Variants in RAB11FIP3 observed in about 807,000 individuals in gnomAD.
RAB11FIP3 encodes the protein rab11 family-interacting protein 3.
A neutral mutation model predicts 77.8 loss-of-function variants in RAB11FIP3; 17 were observed. That is an observed-to-expected ratio of 0.22 (90% CI 0.15 to 0.33). The LOEUF (loss-of-function observed/expected upper bound fraction) is 0.33. Ranked by LOEUF, RAB11FIP3 falls within the 10% of genes least tolerant of loss-of-function variation. The pLI, the probability that RAB11FIP3 is intolerant of heterozygous loss-of-function variation, is 1.00. For missense variants in RAB11FIP3, 1,005 were observed against 1,011.2 expected, an observed-to-expected ratio of 0.99 and a Z score of 0.08; for synonymous variants, 437 against 448.2, an observed-to-expected ratio of 0.98 and a Z score of 0.31.
At position 497,264 on chromosome 16, in the gene RAB11FIP3, TC is replaced by T. The variant is rs1181931634; in HGVS notation, c.1301+407del. ...GGTGAGGGATGGGTCTGACTCCAAT[TC>T]CTAAAGACCATTTCTTCATTTTCCA... On this transcript the variant is annotated intron_variant, in intron 6 of 13. Transcript: ENST00000262305. 3.1e-6 allele frequency: 4 copies of T among 1,305,272 alleles called. No individual in the cohort carries two copies. The Admixed American group carries it at 9.2e-5, about 30-fold the overall frequency. The allele number at this position is 1,305,272 out of a possible 1,614,324, so 80.9% of individuals were successfully genotyped here.
intron 1 of RAB11FIP3, among the ~76,000 whole-genome samples, chr16:453,785 G>A (rs1209489596): frequency 6.6e-6 from 1 of 151,736 alleles, no homozygotes; most frequent in East Asian, 1.9e-4. Context: ...AGTAGAGGCG[G>A]GGTTTCACCA....
chr16:509,560 T>C (rs1273895371), intron 8 of RAB11FIP3, among the ~76,000 whole-genome samples: 3 of 152,264 alleles, frequency 2.0e-5, no homozygotes, highest in Admixed American at 6.5e-5. Context: ...CTCTTTGGGA[T>C]GGTTCAGTCC....
At chr16:518,791 A>G (rs548312758) in intron 9 of RAB11FIP3, 152 bp from the exon 10 acceptor site, 8 of 698,834 alleles carry the variant, frequency 1.1e-5, no homozygotes, top group Non-Finnish European at 2.0e-5. Flanking sequence ...CCTGGAGCAC[A>G]TGGGTGGGCA....
intron 1 of RAB11FIP3, among the ~76,000 whole-genome samples, chr16:430,849 A>G (rs560436793): frequency 1.3e-5 from 2 of 152,368 alleles, no homozygotes; most frequent in African/African-American, 4.8e-5. Context: ...AAACATTTTT[A>G]AAAATTATTT....
At chr16:451,326 A>G (rs1157100131) in intron 1 of RAB11FIP3, 1 of 127,886 alleles carries the variant, frequency 7.8e-6, no homozygotes, top group Admixed American at 7.8e-5. Context: ...CACCTTCCCC[A>G]CCCCCCTGCC....
At position 505,570 on chromosome 16, in the gene RAB11FIP3, C is replaced by T. The variant is rs748267227; in HGVS notation, c.1442C>T (p.Ala481Val). 5 of 1,607,234 alleles carry T rather than the reference C, an allele frequency of 3.1e-6. No individual in the cohort carries two copies. The East Asian group carries it at 1.1e-4, about 36-fold the overall frequency. ...RRVLELEKDTAATGEQHSRLR... is the reference protein window; with the variant it reads ...RRVLELEKDTVATGEQHSRLR... The stretch of plus-strand genomic sequence containing the variant: ...GTGCTGGAGCTGGAAAAGGACACGG[C>T]AGCCACCGGTGAGCAACACAGCCGC... The change falls in exon 8 of 14, where the codon GCA becomes GTA. Residue 481 changes from alanine to valine, a missense_variant. By Grantham distance (64) the Ala-to-Val change is moderately conservative (BLOSUM62 0). Transcript: ENST00000262305. This position sits in a 1 kb window ranked among gnomAD's most constrained non-coding sequence, Gnocchi z 4.0.
chr16:484,569 T>A (rs1374352714), intron 4 of RAB11FIP3, among the ~76,000 whole-genome samples: 1 of 152,134 alleles, frequency 6.6e-6, no homozygotes, highest in East Asian at 1.9e-4. Flanking sequence ...GTCAGGCTGG[T>A]CTCCAACCCC....
At chr16:492,540 A>AGG (rs2030655052) in intron 5 of RAB11FIP3, among the ~76,000 whole-genome samples, 2 of 137,796 alleles carry the variant, frequency 1.5e-5, no homozygotes, top group Non-Finnish European at 1.5e-5. Context: ...GAGGCCGTCC[A>AGG]GAATCTTGGA....
At chr16:490,548 G>A (rs553049905) in intron 5 of RAB11FIP3, among the ~76,000 whole-genome samples, 2 of 152,152 alleles carry the variant, frequency 1.3e-5, no homozygotes, top group Non-Finnish European at 2.9e-5. Flanking sequence ...TGTTGCCCAG[G>A]CTGGTCTCAA....
chr16:465,417 A>G (rs948238462), intron 2 of RAB11FIP3, among the ~76,000 whole-genome samples: 35 of 152,184 alleles, frequency 2.3e-4, no homozygotes, highest in African/African-American at 8.2e-4. Flanking sequence ...TTACATAGCC[A>G]TAATAGTTAA....
Position 516,195 on chromosome 16 carries a change from G to A in RAB11FIP3, c.1641-2748G>A, listed in dbSNP as rs557175927. On this transcript the variant is annotated intron_variant, in intron 9 of 13. Transcript: ENST00000262305. ...GGACACCTTAAGCCCTTCCCGCCCA[G>A]CCCTGTGCTGCCCCTGGGTTTCCAC... is the stretch of plus-strand genomic sequence containing the variant. Among the ~76,000 whole-genome samples, 23 of 152,318 alleles carry A rather than the reference G, an allele frequency of 1.5e-4. No individual in the cohort carries two copies. In the South Asian group the frequency reaches 4.8e-3, roughly 32 times the overall value.
chr16:456,664 A>C (rs1236066299), intron 1 of RAB11FIP3, among the ~76,000 whole-genome samples: 3 of 152,152 alleles, frequency 2.0e-5, no homozygotes, highest in Non-Finnish European at 2.9e-5. Flanking sequence ...AGGCTGAGGC[A>C]GGAGAATCAT....
At position 503,920 on chromosome 16, in the gene RAB11FIP3, C is replaced by T. The variant is rs934749069; in HGVS notation, c.1395+823C>T. ...TCACCTTCTGTGACCCCTTCACTTA[C>T]TCCTGTACCCCCTCAATTCCTCCTG... is the stretch of plus-strand genomic sequence containing the variant. On this transcript the variant is annotated intron_variant, in intron 7 of 13. Transcript: ENST00000262305. Among the ~76,000 whole-genome samples, 9 of 149,258 alleles carry T rather than the reference C, an allele frequency of 6.0e-5. No individual in the cohort carries two copies. The South Asian group carries it at 6.4e-4, about 11-fold the overall frequency.
At chr16:446,608 CCTA>C (rs1243209580) in intron 1 of RAB11FIP3, among the ~76,000 whole-genome samples, 3 of 152,196 alleles carry the variant, frequency 2.0e-5, no homozygotes, top group Non-Finnish European at 4.4e-5. Flanking sequence ...CCAGATGTGT[CCTA>C]CAGAGACATG....
chr16:473,692 G>A (rs1266677294), intron 3 of RAB11FIP3, among the ~76,000 whole-genome samples: 1 of 151,982 alleles, frequency 6.6e-6, no homozygotes, highest in Non-Finnish European at 1.5e-5. Flanking sequence ...CACCCGTCTT[G>A]GCCTCCTAAA....
intron 1 of RAB11FIP3, among the ~76,000 whole-genome samples, chr16:443,409 T>G (rs1252185982): frequency 6.6e-6 from 1 of 152,230 alleles, no homozygotes; most frequent in Non-Finnish European, 1.5e-5. Flanking sequence ...TCCAGCACCG[T>G]GAATCTTTTC....
At chr16:443,796 C>T (rs1416364366) in intron 1 of RAB11FIP3, among the ~76,000 whole-genome samples, 4 of 152,184 alleles carry the variant, frequency 2.6e-5, no homozygotes, top group African/African-American at 4.8e-5. Flanking sequence ...GATCTCCTGA[C>T]CTTGTGATCC....
intron 9 of RAB11FIP3, among the ~76,000 whole-genome samples, chr16:513,814 G>A (rs1013602388): frequency 1.3e-5 from 2 of 152,236 alleles, no homozygotes; most frequent in Non-Finnish European, 2.9e-5. Flanking sequence ...GGAGGCCTCC[G>A]TGCCTGCCAT....
intron 5 of RAB11FIP3, among the ~76,000 whole-genome samples, chr16:495,610 C>T (rs1317384829): frequency 1.3e-5 from 2 of 152,184 alleles, no homozygotes; most frequent in African/African-American, 2.4e-5. Flanking sequence ...TCGGCTCCCT[C>T]TGCTGATGAC....
Sources: allele counts gnomAD v4.1 joint callset (sites outside exome capture counted in the v4.1 genomes callset), GRCh38; gene constraint gnomAD v4.1.1; non-coding constraint Gnocchi (gnomAD v3.1); transcripts MANE v1.5; gene names NCBI Gene and HGNC (gene_info 2026-07-23, HGNC 2026-07-21).